The following PEX10 variants were observed in gnomAD, a reference collection of about 807,000 sequenced individuals.
The protein encoded by PEX10 is peroxisome biogenesis factor 10.
PEX10 carries 32 observed loss-of-function variants against 38.0 expected under a neutral mutation model. The ratio of observed to expected loss-of-function variants is 0.84; its 90% CI spans 0.63 to 1.13. PEX10 has a LOEUF of 1.13. Among genes scored for constraint, PEX10 ranks in the 50% most tolerant of loss-of-function variants. PEX10 has a pLI of 0.00. For missense variants in PEX10, 483 were observed against 457.7 expected, an observed-to-expected ratio of 1.06 and a Z score of -0.51; for synonymous variants, 206 against 207.3, an observed-to-expected ratio of 0.99 and a Z score of 0.05.
chr1:2,413,215 C>CG (rs1381541520), upstream of PEX10, among the ~76,000 whole-genome samples: 4 of 152,226 alleles, frequency 2.6e-5, no homozygotes, highest in African/African-American at 9.6e-5. Context: ...CTGGTGCCCA[C>CG]GGGAGGCAGG....
At chr1:2,407,495 C>T (rs1185947178) in intron 3 of PEX10, among the ~76,000 whole-genome samples, 4 of 152,198 alleles carry the variant, frequency 2.6e-5, no homozygotes, top group Non-Finnish European at 5.9e-5. Flanking sequence ...CAGCATGGGC[C>T]CTGGGTGTCC....
rs547282250 is a variant in PEX10 at position 2,410,014 on chromosome 1, A to G, written c.193+357T>C. ...GGGTGGTGACCAGCCTGGGCCACAGACCCACCACTGCTCCACCAGGGCACT... is the reference window on the plus strand; with the variant it reads ...GGGTGGTGACCAGCCTGGGCCACAGGCCCACCACTGCTCCACCAGGGCACT... On this transcript the variant is annotated intron_variant, in intron 2 of 5. Coordinates refer to ENST00000447513, the MANE Select transcript of PEX10 (RefSeq NM_002617.4). This position sits in a 1 kb window ranked among gnomAD's most constrained non-coding sequence, Gnocchi z 5.1. 390 of 343,166 alleles carry G rather than the reference A, an allele frequency of 1.1e-3. 1 individual carries two copies. Among genetic ancestry groups the G allele is most frequent in the African/African-American group, 7.9e-3 (371 of 46,944 alleles). The allele number at this position is 343,166 out of a possible 1,614,324, so 21.3% of individuals were successfully genotyped here. A position where few individuals can be genotyped will look rare whatever the true frequency, so the allele number is the denominator to read the frequency against.
rs1268635597 is a variant in PEX10, at chr1:2,405,667, G to A, written c.*99C>T. The stretch of plus-strand genomic sequence containing the variant: ...TCTTACATGACAAAAAACTGAGAGT[G>A]TTCTAACTTCTGTGCAAGCAAGGTT... On this transcript the variant is annotated 3_prime_UTR_variant, in exon 6 of 6. Coordinates refer to ENST00000447513, the MANE Select transcript of PEX10 (RefSeq NM_002617.4). 9.2e-7 allele frequency: 1 copy of A among 1,087,558 alleles called. No homozygotes were observed. The highest frequency in any genetic ancestry group is 1.6e-5 in the African/African-American group (1 of 64,420). The allele number at this position is 1,087,558 out of a possible 1,614,324, so 67.4% of individuals were successfully genotyped here. A position where few individuals can be genotyped will look rare whatever the true frequency, so the allele number is the denominator to read the frequency against.
intron 1 of PEX10, 28 bp downstream of exon 1, chr1:2,412,363 A>G (rs1222097890): frequency 6.6e-6 from 9 of 1,354,500 alleles, no homozygotes; most frequent in Non-Finnish European, 8.5e-6. Flanking sequence ...GCCGCTCGCG[A>G]GGACGTCCGG....
upstream of PEX10, chr1:2,413,700 C>T (rs1414174370): frequency 2.0e-5 from 3 of 152,338 alleles, no homozygotes; most frequent in Non-Finnish European, 2.9e-5. Flanking sequence ...GAAGGCAGGG[C>T]ACGACAAGGG....
rs1258284917 is a variant in PEX10 at position 2,409,494 on chromosome 1, C to T, written c.194-636G>A. ...ACCTTCCCTGTGTGTTCCACCCCCT[C>T]GCTGCCGCCCCTGCTCTGTACCACC... On this transcript the variant is annotated intron_variant, in intron 2 of 5. Coordinates refer to ENST00000447513, the MANE Select transcript of PEX10 (RefSeq NM_002617.4). This position sits in a 1 kb window ranked among gnomAD's most constrained non-coding sequence, Gnocchi z 6.2. Among the ~76,000 whole-genome samples the T allele has an allele frequency of 6.6e-6, 1 of 152,102 alleles. No homozygotes were observed. Among genetic ancestry groups the T allele is most frequent in the African/African-American group, 2.4e-5 (1 of 41,412 alleles).
chr1:2,410,613 G>A lies in PEX10; in HGVS notation c.113-162C>T. On this transcript the variant is annotated intron_variant, in intron 1 of 5. Transcript: ENST00000447513. The surrounding 1 kb of genome is among the most constrained non-coding windows in gnomAD (Gnocchi z 5.1). ...TCCCTCTCTGCTTCTGTCTCCGGAG[G>A]CACCACCTTGACTTGCCTTAGCGTG... 1.5e-6 allele frequency: 1 copy of A among 682,638 alleles called. No individual in the cohort carries two copies. The highest frequency in any genetic ancestry group is 2.6e-6 in the Non-Finnish European group (1 of 377,506). The allele number at this position is 682,638 out of a possible 1,614,324, so 42.3% of individuals were successfully genotyped here.
chr1:2,405,905 T>A (rs1428681960), intron 5 of PEX10, 71 bp from the exon 6 acceptor site: 1 of 1,200,584 alleles, frequency 8.3e-7, no homozygotes, highest in Non-Finnish European at 1.2e-6. Flanking sequence ...CGGCATTTCT[T>A]TTCCTGTCCA....
intron 1 of PEX10, among the ~76,000 whole-genome samples, chr1:2,411,665 A>G (rs1246951103): frequency 1.3e-5 from 2 of 151,580 alleles, no homozygotes. Context: ...CAGCCTCCTG[A>G]AGAGCTGGGA....
In PEX10 at chr1:2,412,521, T is replaced by G. The variant is rs1431766514; in HGVS notation, c.-19A>C. On this transcript the variant is annotated 5_prime_UTR_variant, in exon 1 of 6. Coordinates refer to ENST00000447513, the MANE Select transcript of PEX10 (RefSeq NM_002617.4). ...GGGCCATGGCCGCGGGTTCGGGTGG[T>G]CCCGAGCAGCCACGCCGGCCACGCC... 5 of 1,331,714 alleles carry G rather than the reference T, an allele frequency of 3.8e-6. No individual in the cohort carries two copies. The highest frequency in any genetic ancestry group is 4.8e-6 in the Non-Finnish European group (5 of 1,045,324). 82.5% of individuals were successfully genotyped at this position (1,331,714 alleles called of 1,614,324 possible). A position where few individuals can be genotyped will look rare whatever the true frequency, so the allele number is the denominator to read the frequency against.
In PEX10 at chr1:2,404,261, G is replaced by A. The variant is rs568691492; in HGVS notation, c.*1505C>T. ...TACCAGTGTTTACATATCTGACATC[G>A]AGCTCCTCTAAGAGGCCACGTTCAA... On this transcript the variant is annotated 3_prime_UTR_variant, in exon 6 of 6. Coordinates refer to ENST00000447513, the MANE Select transcript of PEX10 (RefSeq NM_002617.4). 3 of 152,200 alleles carry A rather than the reference G, an allele frequency of 2.0e-5. No homozygotes were observed. Among genetic ancestry groups the A allele is most frequent in the Non-Finnish European group, 2.9e-5 (2 of 68,042 alleles). The allele number at this position is 152,200 out of a possible 1,614,324, so 9.4% of individuals were successfully genotyped here.
chr1:2,413,729 A>T (rs924869197), upstream of PEX10: 2 of 152,340 alleles, frequency 1.3e-5, no homozygotes, highest in Non-Finnish European at 2.9e-5. Flanking sequence ...CGCCCCGCTG[A>T]CCTCAGTGGG....
At chr1:2,413,139 C>G (rs1393797021), upstream of PEX10, among the ~76,000 whole-genome samples, 1 of 152,244 alleles carries the variant, frequency 6.6e-6, no homozygotes, top group Non-Finnish European at 1.5e-5. Context: ...TTCCAGGCCC[C>G]GAGCAGCCGC....
chr1:2,407,751 C>T (rs1643057756), intron 3 of PEX10, among the ~76,000 whole-genome samples: 1 of 152,066 alleles, frequency 6.6e-6, no homozygotes, highest in Non-Finnish European at 1.5e-5. Flanking sequence ...CAAGTAGGGG[C>T]TGAGGGGACC....
Position 2,412,484 on chromosome 1 carries a change from T to G in PEX10, c.19A>C (p.Ser7Arg). 7.2e-7 allele frequency: 1 copy of G among 1,384,038 alleles called. No individual in the cohort carries two copies. The highest frequency in any genetic ancestry group is 9.3e-7 in the Non-Finnish European group (1 of 1,071,502). The allele number at this position is 1,384,038 out of a possible 1,614,324, so 85.7% of individuals were successfully genotyped here. Residue 7 changes from serine (S) to arginine (R), a missense_variant, in exon 1 of 6, where the codon AGC becomes CGC. Transcript: ENST00000447513. MAPAAA[S>R]PPEVIRAAQK... ...GCCGCGCGGATCACCTCCGGGGGGC[T>G]GGCGGCGGCCGGGGCCATGGCCGCG...
chr1:2,407,955 C>T (rs1156770626), intron 3 of PEX10, among the ~76,000 whole-genome samples: 2 of 148,476 alleles, frequency 1.3e-5, no homozygotes, highest in Non-Finnish European at 3.0e-5. Context: ...GCAGAGGTGC[C>T]AACGGCTGTG....
In PEX10 at chr1:2,410,059, CTA is replaced by C. The variant is rs1479710599; in HGVS notation, c.193+310_193+311del. 2 of 395,710 alleles carry C rather than the reference CTA, an allele frequency of 5.1e-6. No homozygotes were observed. Among genetic ancestry groups the C allele is most frequent in the African/African-American group, 4.1e-5 (2 of 48,360 alleles). The allele number at this position is 395,710 out of a possible 1,614,324, so 24.5% of individuals were successfully genotyped here. On this transcript the variant is annotated intron_variant, in intron 2 of 5. Coordinates refer to ENST00000447513, the MANE Select transcript of PEX10 (RefSeq NM_002617.4). This position sits in a 1 kb window ranked among gnomAD's most constrained non-coding sequence, Gnocchi z 5.1. Reference sequence around the variant, plus strand: ...GGCACTGTCACACGGGCACTGCACCCTATGACATGGCTCAGCACTGTGACTCA... The same window carrying C: ...GGCACTGTCACACGGGCACTGCACCCTGACATGGCTCAGCACTGTGACTCA...
chr1:2,413,063 G>A (rs891962373), upstream of PEX10, among the ~76,000 whole-genome samples: 4 of 152,380 alleles, frequency 2.6e-5, no homozygotes, highest in Middle Eastern at 0.01. Context: ...TCTCAGCGCG[G>A]GTTGGCCAGT....
intron 2 of PEX10, 44 bp from the exon 3 acceptor site, chr1:2,408,902 G>T (rs772362644): frequency 6.3e-7 from 1 of 1,595,678 alleles, no homozygotes; most frequent in Non-Finnish European, 8.6e-7. Flanking sequence ...GACTGCTGCC[G>T]CGGGGACAGG....
Sources: gnomAD v4.1 joint callset for allele counts (sites outside exome capture counted in the v4.1 genomes callset) on GRCh38, gnomAD v4.1.1 for gene constraint, Gnocchi (gnomAD v3.1) non-coding constraint, MANE v1.5 for transcripts, NCBI Gene and HGNC (gene_info 2026-07-23, HGNC 2026-07-21) for gene names.